Variants in TLE1 observed in about 807,000 individuals in gnomAD.
The protein encoded by TLE1 is transducin-like enhancer protein 1.
A neutral mutation model predicts 89.8 loss-of-function variants in TLE1; 21 were observed. The ratio of observed to expected loss-of-function variants is 0.23; its 90% CI spans 0.17 to 0.34. The LOEUF is 0.34. Among genes scored for constraint, TLE1 ranks in the 10% least tolerant of loss-of-function variants. The pLI, the probability that TLE1 is intolerant of heterozygous loss-of-function variation, is 1.00. For missense variants in TLE1, 795 were observed against 1,031.2 expected (o/e 0.77, Z 3.14); for synonymous variants, 447 against 407.6 (o/e 1.10, Z -1.16).
chr9:81,600,836 C>G (rs1026920725), intron 14 of TLE1, among the ~76,000 whole-genome samples: 1 of 152,104 alleles, frequency 6.6e-6, no homozygotes, highest in Non-Finnish European at 1.5e-5. Context: ...TCACTGAAGG[C>G]CTGGACAGGA....
intron 6 of TLE1, among the ~76,000 whole-genome samples, chr9:81,650,614 G>A (rs1464400783): frequency 6.6e-6 from 1 of 152,128 alleles, no homozygotes; most frequent in East Asian, 1.9e-4. Flanking sequence ...ACAAGAAAAG[G>A]GTACAGAAGG....
chr9:81,675,509 G>T (rs1463906097), intron 4 of TLE1, among the ~76,000 whole-genome samples: 1 of 152,002 alleles, frequency 6.6e-6, no homozygotes, highest in East Asian at 1.9e-4. Context: ...CAACATGCTA[G>T]TTTTGTTTAT....
intron 8 of TLE1, among the ~76,000 whole-genome samples, chr9:81,622,199 CCT>C (rs1395539943): frequency 1.3e-5 from 2 of 152,182 alleles, no homozygotes; most frequent in Non-Finnish European, 2.9e-5. Flanking sequence ...TAAATACACC[CCT>C]CCTAGTTTAC....
Position 81,634,199 on chromosome 9 carries a change from C to T in TLE1, c.475G>A (p.Gly159Arg), listed in dbSNP as rs774518227. The T allele has an allele frequency of 6.3e-6, 10 of 1,591,224 alleles. No individual in the cohort carries two copies. Among genetic ancestry groups the T allele is most frequent in the South Asian group, 1.1e-5 (1 of 87,764 alleles). ...AGCGCAAGAAGGCCGGCACTGCCCCCGAGGGGCGGGATTCCAGGAGGCTGA... is the reference window on the plus strand; with the variant it reads ...AGCGCAAGAAGGCCGGCACTGCCCCTGAGGGGCGGGATTCCAGGAGGCTGA... ...GLQPPGIPPL[G>R]GSAGLLALSS... Residue 159 changes from glycine to arginine, a missense_variant, in exon 7 of 20, where the codon GGG becomes AGG. By Grantham distance (125) the Gly-to-Arg change is moderately radical. Transcript: ENST00000376499.
At chr9:81,666,783 A>ATAAATAAG (rs1831517978) in intron 4 of TLE1, among the ~76,000 whole-genome samples, 1 of 126,524 alleles carries the variant, frequency 7.9e-6, no homozygotes, top group African/African-American at 2.6e-5. Flanking sequence ...CACAAAATAA[A>ATAAATAAG]TAAATAAATA....
chr9:81,664,441 C>T (rs1831203091), intron 4 of TLE1, among the ~76,000 whole-genome samples: 1 of 152,212 alleles, frequency 6.6e-6, no homozygotes, highest in Admixed American at 6.5e-5. Flanking sequence ...ATCACAGTGC[C>T]TTGCTCACCA....
intron 9 of TLE1, among the ~76,000 whole-genome samples, chr9:81,617,460 G>A (rs890184563): frequency 6.6e-6 from 1 of 152,194 alleles, no homozygotes; most frequent in Non-Finnish European, 1.5e-5. Context: ...CACTTTGGGA[G>A]GCCGAGGCGG....
chr9:81,687,186 G>A lies in TLE1; in HGVS notation c.125+148C>T, dbSNP rs370651922. On this transcript the variant is annotated intron_variant, in intron 2 of 19. Transcript: ENST00000376499. The stretch of plus-strand genomic sequence containing the variant: ...GGCGGCCCGGGAAGAACCAGGAAAG[G>A]GGGTAACTTGAATGACAGGTCTTAA... The A allele has an allele frequency of 2.6e-5, 16 of 608,396 alleles. No individual in the cohort carries two copies. In the East Asian group the frequency reaches 3.3e-4, roughly 13 times the overall value. The allele number at this position is 608,396 out of a possible 1,614,324, so 37.7% of individuals were successfully genotyped here.
rs1834755858 is a variant in TLE1, at chr9:81,689,481, T to TGCTGCTGCTTCTGCA, written c.-1256_-1242dup. 6.6e-6 allele frequency among the ~76,000 whole-genome samples: 1 copy of TGCTGCTGCTTCTGCA among 152,122 alleles called. No individual in the cohort carries two copies. The highest frequency in any genetic ancestry group is 1.5e-5 in the Non-Finnish European group (1 of 68,012). On this transcript the variant is annotated 5_prime_UTR_variant, in exon 1 of 20. Transcript: ENST00000376499. ...ACAGAGTACCCGCCGCTGTTTCTGCTGCTGCTGCTTCTGCAGCCGCCGCTC... is the reference window on the plus strand; with the variant it reads ...ACAGAGTACCCGCCGCTGTTTCTGCTGCTGCTGCTTCTGCAGCTGCTGCTTCTGCAGCCGCCGCTC...
intron 8 of TLE1, 121 bp downstream of exon 8, chr9:81,633,227 A>G: frequency 6.7e-7 from 1 of 1,484,106 alleles, no homozygotes; most frequent in Non-Finnish European, 9.1e-7. Context: ...TCACTGAGAG[A>G]GACAGGGAGA....
intron 4 of TLE1, among the ~76,000 whole-genome samples, chr9:81,681,666 A>G (rs1301291920): frequency 6.6e-6 from 1 of 152,048 alleles, no homozygotes; most frequent in African/African-American, 2.4e-5. Flanking sequence ...CCTCCCCATC[A>G]CTGGGTCTCC....
intron 6 of TLE1, among the ~76,000 whole-genome samples, chr9:81,644,453 G>C (rs2132509152): frequency 6.6e-6 from 1 of 152,296 alleles, no homozygotes; most frequent in East Asian, 1.9e-4. Context: ...AGTAAAAGAA[G>C]CCAGGCATAC....
At chr9:81,653,413 A>G (rs1829792117) in intron 5 of TLE1, among the ~76,000 whole-genome samples, 1 of 152,222 alleles carries the variant, frequency 6.6e-6, no homozygotes, top group Admixed American at 6.5e-5. Flanking sequence ...TTACTCATAT[A>G]AAGAGATTCC....
At chr9:81,618,910 G>C (rs1161450433) in intron 9 of TLE1, among the ~76,000 whole-genome samples, 1 of 152,102 alleles carries the variant, frequency 6.6e-6, no homozygotes, top group Non-Finnish European at 1.5e-5. Flanking sequence ...AGTGATCTAA[G>C]GTCTGAGGCC....
In TLE1 at chr9:81,584,229, T is replaced by C. The variant is rs536646906; in HGVS notation, c.2282A>G (p.Lys761Arg). 1 of 1,614,258 alleles carries C rather than the reference T, an allele frequency of 6.2e-7. No homozygotes were observed. The highest frequency in any genetic ancestry group is 1.3e-5 in the African/African-American group (1 of 75,076). Residue 761 changes from lysine to arginine, a missense_variant, in exon 20 of 20, where the codon AAG becomes AGG. By Grantham distance (26) the Lys-to-Arg change is conservative. Around this residue, in one of 4 missense-constraint regions of TLE1, gnomAD observed 214 missense variants for 354.9 expected, o/e 0.60. Transcript: ENST00000376499. ...DKYIVTGSGDKKATVYEVIY is the reference protein window; with the variant it reads ...DKYIVTGSGDRKATVYEVIY ...GATGACTTCATAGACTGTAGCCTTC[T>C]TGTCCCCCGAGCCAGTGACTATGTA... is the stretch of plus-strand genomic sequence containing the variant.
intron 6 of TLE1, among the ~76,000 whole-genome samples, chr9:81,648,132 T>TGC (rs1588114271): frequency 6.6e-6 from 1 of 151,562 alleles, no homozygotes; most frequent in East Asian, 1.9e-4. Flanking sequence ...ATTAGCTGGG[T>TGC]ATGGCGGTGC....
rs372638444 is a variant in TLE1, at chr9:81,667,449, T to G, written c.235-13413A>C. Among the ~76,000 whole-genome samples, 7 of 151,602 alleles carry G rather than the reference T, an allele frequency of 4.6e-5. 1 individual carries two copies. The highest frequency in any genetic ancestry group is 1.7e-4 in the African/African-American group (7 of 41,374). On this transcript the variant is annotated intron_variant, in intron 4 of 19. Transcript: ENST00000376499. ...CCTCTGAATGTTTCCCTAACACATT[T>G]AAATCTTCAGCCAATCTAGATGGTA...
At chr9:81,673,105 T>C (rs1292391321) in intron 4 of TLE1, among the ~76,000 whole-genome samples, 1 of 151,832 alleles carries the variant, frequency 6.6e-6, no homozygotes, top group Non-Finnish European at 1.5e-5. Context: ...AAATCCCGAC[T>C]CTACTAAAAA....
chr9:81,621,170 A>C (rs993975735), intron 8 of TLE1, among the ~76,000 whole-genome samples: 1 of 152,232 alleles, frequency 6.6e-6, no homozygotes, highest in Non-Finnish European at 1.5e-5. Flanking sequence ...TGAATCTTCA[A>C]TAGCAAGGCC....
Sources: gnomAD v4.1 joint callset for allele counts (sites outside exome capture counted in the v4.1 genomes callset) on GRCh38, gnomAD v4.1.1 for gene constraint, gnomAD v4.1.1 regional missense constraint, MANE v1.5 for transcripts, NCBI Gene and HGNC (gene_info 2026-07-23, HGNC 2026-07-21) for gene names.